The following SPPL3 variants were observed in gnomAD, a reference collection of about 807,000 sequenced individuals.
The protein encoded by SPPL3 is signal peptide peptidase-like 3.
In SPPL3, 5 loss-of-function variants were observed where a neutral mutation model predicts 42.4. The ratio of observed to expected loss-of-function variants is 0.12; its 90% CI spans 0.06 to 0.25. The LOEUF is 0.25. Among genes scored for constraint, SPPL3 ranks in the 10% least tolerant of loss-of-function variants. SPPL3 has a pLI of 1.00. For synonymous variants in SPPL3, 195 were observed against 181.8 expected (o/e 1.07, Z -0.58); for missense variants, 235 against 489.0 (o/e 0.48, Z 4.90).
intron 1 of SPPL3, among the ~76,000 whole-genome samples, chr12:120,827,286 C>T (rs577187613): frequency 1.3e-5 from 2 of 149,656 alleles, no homozygotes; most frequent in East Asian, 3.9e-4. Flanking sequence ...TTTGAAAGGC[C>T]TATGAGACCA....
chr12:120,855,161 G>A (rs1214614496), intron 1 of SPPL3, among the ~76,000 whole-genome samples: 1 of 152,016 alleles, frequency 6.6e-6, no homozygotes, highest in Non-Finnish European at 1.5e-5. Flanking sequence ...ACGAGAGAAG[G>A]GGACTATCAG....
At chr12:120,863,352 GA>G (rs71076670) in intron 1 of SPPL3, among the ~76,000 whole-genome samples, 40,443 of 135,144 alleles carry the variant, frequency 0.3, 5,904 homozygotes, top group Non-Finnish European at 0.38. Context: ...CATCTCAAAA[GA>G]AAAAAAAAAA....
Position 120,791,462 on chromosome 12 carries a change from A to G in SPPL3, c.190+7T>C. The G allele has an allele frequency of 1.3e-6, 2 of 1,576,266 alleles. No individual in the cohort carries two copies. The highest frequency in any genetic ancestry group is 1.7e-6 in the Non-Finnish European group (2 of 1,160,788). ...GTACAGAAGTTAATTGACATAAAAT[A>G]TCTTACTATTATTGGTGCTGTTGCC... is the stretch of plus-strand genomic sequence containing the variant. On this transcript the variant is annotated splice_region_variant and intron_variant, in intron 3 of 10. Coordinates refer to ENST00000353487, the MANE Select transcript of SPPL3 (RefSeq NM_139015.5).
At chr12:120,854,931 C>T (rs1872401848) in intron 1 of SPPL3, among the ~76,000 whole-genome samples, 1 of 152,130 alleles carries the variant, frequency 6.6e-6, no homozygotes, top group Non-Finnish European at 1.5e-5. Context: ...ACTATTTGGA[C>T]CAAAGAACAC....
chr12:120,767,290 G>T, intron 9 of SPPL3, 104 bp downstream of exon 9: 3 of 1,254,320 alleles, frequency 2.4e-6, no homozygotes, highest in Non-Finnish European at 3.3e-6. Flanking sequence ...CAGAATTCCT[G>T]CTCTCCTTCC....
intron 3 of SPPL3, among the ~76,000 whole-genome samples, 184 bp downstream of exon 3, chr12:120,791,285 A>AT (rs528316698): frequency 3.8e-4 from 58 of 152,300 alleles, no homozygotes; most frequent in Middle Eastern, 6.8e-3. Flanking sequence ...AGCATCAAAC[A>AT]TTTTTATTAA....
In SPPL3 at chr12:120,864,905, A is replaced by G. The variant is rs71454670; in HGVS notation, c.23+38940T>C. On this transcript the variant is annotated intron_variant, in intron 1 of 10. Transcript: ENST00000353487. ...TAAGTGAAACTGGGTTAAAAAAATAACAAAACAAAACTGTAGAGTGTGTGG... is the reference window on the plus strand; with the variant it reads ...TAAGTGAAACTGGGTTAAAAAAATAGCAAAACAAAACTGTAGAGTGTGTGG... Among the ~76,000 whole-genome samples, 123 of 152,346 alleles carry G rather than the reference A, an allele frequency of 8.1e-4. 1 individual carries two copies. The highest frequency in any genetic ancestry group is 2.9e-3 in the African/African-American group (119 of 41,580).
At chr12:120,782,840 G>A (rs771694695) in intron 5 of SPPL3, 73 bp from the exon 6 acceptor site, 5 of 1,102,988 alleles carry the variant, frequency 4.5e-6, no homozygotes, top group African/African-American at 3.1e-5. Context: ...TTGGTATTTC[G>A]TGATGGCTGG....
chr12:120,900,428 G>T (rs56161401), intron 1 of SPPL3, among the ~76,000 whole-genome samples: 29,390 of 151,566 alleles, frequency 0.19, 4,497 homozygotes, highest in African/African-American at 0.41. Flanking sequence ...CGGCAACATG[G>T]CGAAACACAA....
intron 6 of SPPL3, 142 bp from the exon 7 acceptor site, chr12:120,769,201 T>C (rs974872739): frequency 6.5e-6 from 4 of 614,280 alleles, no homozygotes; most frequent in African/African-American, 1.9e-5. Context: ...GAAACTTACA[T>C]GCAACTGGTG....
intron 1 of SPPL3, among the ~76,000 whole-genome samples, chr12:120,871,040 G>C (rs1872903438): frequency 7.0e-6 from 1 of 142,626 alleles, no homozygotes; most frequent in African/African-American, 2.5e-5. Context: ...TGAGACAGGA[G>C]AATCGCTTGA....
At chr12:120,809,887 G>C (rs1870626049) in intron 2 of SPPL3, among the ~76,000 whole-genome samples, 1 of 152,168 alleles carries the variant, frequency 6.6e-6, no homozygotes, top group African/African-American at 2.4e-5. Flanking sequence ...AACCTTGGAT[G>C]TCAAGCCTTT....
chr12:120,904,107 C>G lies in SPPL3; in HGVS notation c.-240G>C. 7.1e-6 allele frequency: 2 copies of G among 281,244 alleles called. No homozygotes were observed. Among genetic ancestry groups the G allele is most frequent in the Non-Finnish European group, 1.3e-5 (2 of 151,986 alleles). The allele number at this position is 281,244 out of a possible 1,614,324, so 17.4% of individuals were successfully genotyped here. ...CTCCGCTCTCGGCCTCCCTCACCCG[C>G]GGCGGCGGCGGCGGCTCCGCTGCAG... On this transcript the variant is annotated 5_prime_UTR_variant, in exon 1 of 11. Transcript: ENST00000353487.
intron 1 of SPPL3, among the ~76,000 whole-genome samples, chr12:120,870,944 A>G (rs1211561972): frequency 1.3e-5 from 2 of 151,702 alleles, no homozygotes; most frequent in East Asian, 3.9e-4. Context: ...CCTAGGCAAC[A>G]TGGTGAAACC....
chr12:120,831,948 C>T (rs1215993014), intron 1 of SPPL3, among the ~76,000 whole-genome samples: 1 of 152,204 alleles, frequency 6.6e-6, no homozygotes, highest in Admixed American at 6.5e-5. Context: ...GCTGACATAA[C>T]ATTTCAGGAC....
chr12:120,871,224 A>G (rs949450330), intron 1 of SPPL3, among the ~76,000 whole-genome samples: 3 of 152,002 alleles, frequency 2.0e-5, no homozygotes, highest in Admixed American at 1.3e-4. Flanking sequence ...ATGACAGTAC[A>G]TTTAAAAACG....
At chr12:120,798,165 T>C (rs1358109837) in intron 2 of SPPL3, among the ~76,000 whole-genome samples, 1 of 152,134 alleles carries the variant, frequency 6.6e-6, no homozygotes, top group Non-Finnish European at 1.5e-5. Flanking sequence ...CCCTGAAACA[T>C]GGTTAAGACT....
At chr12:120,866,651 T>C (rs1289565696) in intron 1 of SPPL3, among the ~76,000 whole-genome samples, 1 of 152,214 alleles carries the variant, frequency 6.6e-6, no homozygotes, top group Non-Finnish European at 1.5e-5. Flanking sequence ...AATAATAGCA[T>C]ACATTTCTCA....
At chr12:120,845,442 G>T in intron 1 of SPPL3, 1 of 404,284 alleles carries the variant, frequency 2.5e-6, no homozygotes, top group South Asian at 2.5e-5. Flanking sequence ...GATCTTGTCC[G>T]AGCCGCCCAC....
Sources: allele counts gnomAD v4.1 joint callset (sites outside exome capture counted in the v4.1 genomes callset), GRCh38; gene constraint gnomAD v4.1.1; transcripts MANE v1.5; gene names NCBI Gene and HGNC (gene_info 2026-07-23, HGNC 2026-07-21).